Variants in DYM observed in about 807,000 individuals in gnomAD.
The protein encoded by DYM is dyggve-Melchior-Clausen syndrome protein.
In DYM, 78 loss-of-function variants were observed where a neutral mutation model predicts 93.1. That is an observed-to-expected ratio of 0.84 (90% CI 0.70 to 1.01). The LOEUF (loss-of-function observed/expected upper bound fraction) is 1.01. DYM is among the 50% of genes least tolerant of loss of function. DYM has a pLI of 0.00. For missense variants in DYM, 789 were observed against 845.0 expected (o/e 0.93, Z 0.82); for synonymous variants, 321 against 319.7 (o/e 1.00, Z -0.04).
chr18:49,087,742 A>C (rs566426606), intron 17 of DYM, among the ~76,000 whole-genome samples: 39 of 152,104 alleles, frequency 2.6e-4, no homozygotes, highest in African/African-American at 9.2e-4. Flanking sequence ...CCAACAGTGT[A>C]AAAGTGTTCC....
At chr18:49,252,754 G>A (rs1210469115) in intron 13 of DYM, among the ~76,000 whole-genome samples, 1 of 152,176 alleles carries the variant, frequency 6.6e-6, no homozygotes, top group African/African-American at 2.4e-5. Flanking sequence ...AACAGCCAGT[G>A]GAGGGACATG....
intron 13 of DYM, among the ~76,000 whole-genome samples, chr18:49,220,583 C>A (rs1207007140): frequency 1.3e-5 from 2 of 151,448 alleles, no homozygotes; most frequent in Non-Finnish European, 2.9e-5. Flanking sequence ...CAGAACAGAG[C>A]CCTCAGAAAT....
At chr18:49,074,568 G>A (rs1372549618) in intron 17 of DYM, among the ~76,000 whole-genome samples, 1 of 152,130 alleles carries the variant, frequency 6.6e-6, no homozygotes, top group Non-Finnish European at 1.5e-5. Context: ...CAGAAAATAA[G>A]CCAAACTGGA....
intron 13 of DYM, among the ~76,000 whole-genome samples, chr18:49,230,835 A>G (rs980655886): frequency 9.9e-5 from 15 of 152,232 alleles, no homozygotes; most frequent in Non-Finnish European, 1.8e-4. Context: ...AAAATTCTGC[A>G]GAGGGCAGAG....
At chr18:49,317,627 C>CTCCTATCCTCTCCTCTCCTCT (rs573051080) in intron 8 of DYM, among the ~76,000 whole-genome samples, 4 of 24,390 alleles carry the variant, frequency 1.6e-4, no homozygotes, top group Non-Finnish European at 2.5e-4. Flanking sequence ...CTCCCTCCCT[C>CTCCTATCCTCTCCTCTCCTCT]CCTCTCCTAT....
chr18:49,133,743 G>C (rs535953595), intron 15 of DYM, among the ~76,000 whole-genome samples: 54 of 152,256 alleles, frequency 3.5e-4, no homozygotes, highest in African/African-American at 1.2e-3. Context: ...TGGACAAAAA[G>C]TTCTCTGCTT....
chr18:49,257,176 T>A, intron 12 of DYM, 72 bp from the exon 13 acceptor site: 1 of 1,167,232 alleles, frequency 8.6e-7, no homozygotes, highest in Admixed American at 1.7e-5. Context: ...TAACTATTAA[T>A]AGAAGCAAAT....
intron 13 of DYM, among the ~76,000 whole-genome samples, chr18:49,236,487 A>AT (rs1555652859): frequency 1.3e-3 from 189 of 149,220 alleles, no homozygotes; most frequent in South Asian, 2.8e-3. Context: ...CTCAAAAAAA[A>AT]AAATAAATAA....
chr18:49,122,625 A>C (rs954310091), intron 15 of DYM, among the ~76,000 whole-genome samples: 7 of 152,224 alleles, frequency 4.6e-5, no homozygotes, highest in African/African-American at 1.7e-4. Context: ...TATATATTAC[A>C]ATGTAATAAT....
At chr18:49,446,258 C>T (rs906126721) in intron 1 of DYM, among the ~76,000 whole-genome samples, 1 of 151,660 alleles carries the variant, frequency 6.6e-6, no homozygotes, top group Non-Finnish European at 1.5e-5. Flanking sequence ...CCCATCTCTA[C>T]CAAAAGAAAA....
intron 8 of DYM, among the ~76,000 whole-genome samples, chr18:49,329,282 T>G (rs1232227348): frequency 0.016 from 366 of 23,038 alleles, 2 homozygotes; most frequent in African/African-American, 0.053. Flanking sequence ...TGGGGCCTGT[T>G]GTGGGGTGGG....
At chr18:49,152,720 C>T (rs1259151203) in intron 15 of DYM, among the ~76,000 whole-genome samples, 4 of 152,138 alleles carry the variant, frequency 2.6e-5, no homozygotes, top group Non-Finnish European at 5.9e-5. Context: ...TGAAGACAAC[C>T]TAAGTACTCG....
In DYM at chr18:49,193,368, C is replaced by A. The variant is rs887625680; in HGVS notation, c.1625+16183G>T. ...TAAAAAATTCTATACATCTAAAGAT[C>A]ATTTAAAAACATTAAATTTTAATGA... On this transcript the variant is annotated intron_variant, in intron 14 of 17. Coordinates refer to ENST00000675505, the MANE Select transcript of DYM (RefSeq NM_001353214.3). Among the ~76,000 whole-genome samples, 6 of 152,104 alleles carry A rather than the reference C, an allele frequency of 3.9e-5. No homozygotes were observed. In the East Asian group the frequency reaches 1.2e-3, roughly 29 times the overall value.
chr18:49,156,583 T>C (rs918847916), intron 15 of DYM, among the ~76,000 whole-genome samples: 1 of 151,486 alleles, frequency 6.6e-6, no homozygotes, highest in Non-Finnish European at 1.5e-5. Context: ...AATACAAATA[T>C]GAGTAGGGCG....
intron 15 of DYM, among the ~76,000 whole-genome samples, chr18:49,120,220 A>G (rs2082268523): frequency 6.6e-6 from 1 of 152,198 alleles, no homozygotes; most frequent in Non-Finnish European, 1.5e-5. Context: ...AAAAACAGAA[A>G]GTAAAATGGT....
Position 49,440,387 on chromosome 18 carries a change from A to ATATAATATAGCATATTATATATGC in DYM, c.-53-9941_-53-9940insGCATATATAATATGCTATATTATA, listed in dbSNP as rs1568449156. On this transcript the variant is annotated intron_variant, in intron 1 of 17. Coordinates refer to ENST00000675505, the MANE Select transcript of DYM (RefSeq NM_001353214.3). ...TATATAATATAGCATATTATATATG[A>ATATAATATAGCATATTATATATGC]TATATAATATAGCATATTATATATG... is the stretch of plus-strand genomic sequence containing the variant. Among the ~76,000 whole-genome samples the ATATAATATAGCATATTATATATGC allele has an allele frequency of 3.2e-4, 40 of 125,858 alleles. 1 individual carries two copies. The highest frequency in any genetic ancestry group is 5.0e-4 in the African/African-American group (17 of 33,872). The allele number at this position is 125,858 out of a possible 152,430, so 82.6% of individuals were successfully genotyped here. A position where few individuals can be genotyped will look rare whatever the true frequency, so the allele number is the denominator to read the frequency against.
chr18:49,403,998 G>GT (rs113425880), intron 2 of DYM, among the ~76,000 whole-genome samples: 1,579 of 147,490 alleles, frequency 0.011, 11 homozygotes, highest in African/African-American at 0.022. Flanking sequence ...TGTTTTTTCT[G>GT]TTTTTTTTTT....
intron 5 of DYM, among the ~76,000 whole-genome samples, chr18:49,363,500 G>GT (rs942089015): frequency 3.3e-5 from 5 of 152,196 alleles, no homozygotes; most frequent in African/African-American, 1.2e-4. Flanking sequence ...TACGCCAGTA[G>GT]TTGTCAGATT....
At chr18:49,319,645 C>T (rs2062311229) in intron 8 of DYM, among the ~76,000 whole-genome samples, 1 of 152,198 alleles carries the variant, frequency 6.6e-6, no homozygotes, top group African/African-American at 2.4e-5. Flanking sequence ...CAAAGATACT[C>T]TAAGTTCCAT....
Sources: gnomAD v4.1 joint callset for allele counts (sites outside exome capture counted in the v4.1 genomes callset) on GRCh38, gnomAD v4.1.1 for gene constraint, MANE v1.5 for transcripts, NCBI Gene and HGNC (gene_info 2026-07-23, HGNC 2026-07-21) for gene names.